Variants in ANTXR1 observed in about 807,000 individuals in gnomAD.
The protein encoded by ANTXR1 is ANTXR cell adhesion molecule 1.
ANTXR1 carries 19 observed loss-of-function variants against 78.1 expected under a neutral mutation model. That is an observed-to-expected ratio of 0.24 (90% CI 0.17 to 0.36). The LOEUF is 0.36. ANTXR1 is among the 10% of genes least tolerant of loss of function. ANTXR1 has a pLI of 1.00. For missense variants in ANTXR1, 518 were observed against 718.6 expected, an observed-to-expected ratio of 0.72 and a Z score of 3.19; for synonymous variants, 273 against 260.5, an observed-to-expected ratio of 1.05 and a Z score of -0.46.
At chr2:69,108,646 T>C (rs1671886542) in intron 10 of ANTXR1, among the ~76,000 whole-genome samples, 1 of 152,146 alleles carries the variant, frequency 6.6e-6, no homozygotes. Flanking sequence ...TAGGCCCCAG[T>C]GTGTGTTATT....
At chr2:69,187,578 T>G (rs1407126656) in intron 16 of ANTXR1, among the ~76,000 whole-genome samples, 2 of 143,250 alleles carry the variant, frequency 1.4e-5, no homozygotes, top group African/African-American at 5.4e-5. Flanking sequence ...CTATTTATCA[T>G]GTATTTCTTT....
chr2:69,042,543 C>T (rs55817016), intron 2 of ANTXR1, among the ~76,000 whole-genome samples: 8,623 of 152,234 alleles, frequency 0.057, 369 homozygotes, highest in Non-Finnish European at 0.08. Context: ...TCCTTCCCCA[C>T]AGTCTACAAA....
At chr2:69,212,142 A>C (rs1206373287) in intron 17 of ANTXR1, among the ~76,000 whole-genome samples, 2 of 152,230 alleles carry the variant, frequency 1.3e-5, no homozygotes, top group Non-Finnish European at 2.9e-5. Context: ...AGAATTAGTA[A>C]ATTCTTTATT....
intron 12 of ANTXR1, among the ~76,000 whole-genome samples, chr2:69,138,095 G>GAAAAAAAAAAAA (rs530717585): frequency 2.2e-5 from 2 of 88,974 alleles, no homozygotes; most frequent in Admixed American, 1.2e-4. Flanking sequence ...AAAAAAAAAA[G>GAAAAAAAAAAAA]AAAAAAAAAA....
intron 12 of ANTXR1, among the ~76,000 whole-genome samples, chr2:69,148,174 C>A (rs1232567956): frequency 1.3e-5 from 2 of 152,108 alleles, no homozygotes; most frequent in Non-Finnish European, 2.9e-5. Flanking sequence ...CCCCTGGGCT[C>A]AGGATAGAAG....
At chr2:69,185,976 T>G (rs1337139335) in intron 16 of ANTXR1, among the ~76,000 whole-genome samples, 5 of 152,186 alleles carry the variant, frequency 3.3e-5, no homozygotes, top group African/African-American at 1.2e-4. Flanking sequence ...TACATAGCCG[T>G]TGGTGTGATT....
chr2:69,107,889 C>A (rs1671861722), intron 10 of ANTXR1, among the ~76,000 whole-genome samples: 4 of 152,134 alleles, frequency 2.6e-5, no homozygotes. Context: ...TATCTGAATT[C>A]AAAACTCAAC....
intron 3 of ANTXR1, among the ~76,000 whole-genome samples, chr2:69,049,068 G>A (rs1249631011): frequency 6.6e-6 from 1 of 151,984 alleles, no homozygotes; most frequent in Non-Finnish European, 1.5e-5. Context: ...ATGCTTTGCT[G>A]TTGTATTCTC....
At chr2:69,069,411 TA>T (rs1287436101) in intron 3 of ANTXR1, among the ~76,000 whole-genome samples, 1 of 152,188 alleles carries the variant, frequency 6.6e-6, no homozygotes, top group Non-Finnish European at 1.5e-5. Flanking sequence ...AGAGCTGTCA[TA>T]AGGCTTAAGT....
At chr2:69,175,385 T>C (rs1293356597) in intron 14 of ANTXR1, among the ~76,000 whole-genome samples, 1 of 151,996 alleles carries the variant, frequency 6.6e-6, no homozygotes, top group Non-Finnish European at 1.5e-5. Flanking sequence ...TGAAGCAGGA[T>C]TGCTTGGGGC....
intron 9 of ANTXR1, among the ~76,000 whole-genome samples, chr2:69,102,541 T>TA (rs559989440): frequency 1.4e-3 from 210 of 152,344 alleles, no homozygotes; most frequent in African/African-American, 4.9e-3. Context: ...GAAAACTGGC[T>TA]AAGATTTGAA....
intron 17 of ANTXR1, among the ~76,000 whole-genome samples, chr2:69,216,965 C>A (rs1320553852): frequency 6.6e-6 from 1 of 152,230 alleles, no homozygotes; most frequent in African/African-American, 2.4e-5. Context: ...AAATATCCCA[C>A]ATCTTTCCAT....
chr2:69,165,885 G>T (rs773217958), intron 13 of ANTXR1, among the ~76,000 whole-genome samples: 4 of 152,176 alleles, frequency 2.6e-5, no homozygotes, highest in Admixed American at 6.5e-5. Context: ...AACTCATCAG[G>T]TGCTTTATCT....
At position 69,116,922 on chromosome 2, in the gene ANTXR1, A is replaced by G. The variant is rs144281667; in HGVS notation, c.803-6095A>G. Reference sequence around the variant, plus strand: ...TCAACCCTGGTTTTATCCCAGATCCATGAGCCACCAAACTGCAGGGAAGAA... The same window carrying G: ...TCAACCCTGGTTTTATCCCAGATCCGTGAGCCACCAAACTGCAGGGAAGAA... On this transcript the variant is annotated intron_variant, in intron 10 of 17. Coordinates refer to ENST00000303714, the MANE Select transcript of ANTXR1 (RefSeq NM_032208.3). Among the ~76,000 whole-genome samples, 223 of 152,358 alleles carry G rather than the reference A, an allele frequency of 1.5e-3. 2 individuals carry two copies. Among genetic ancestry groups the G allele is most frequent in the African/African-American group, 5.3e-3 (219 of 41,586 alleles).
chr2:69,204,668 C>T (rs1397892257), intron 17 of ANTXR1, among the ~76,000 whole-genome samples: 1 of 152,200 alleles, frequency 6.6e-6, no homozygotes, highest in Non-Finnish European at 1.5e-5. Flanking sequence ...AGTCCTCACC[C>T]CAGGCCATGA....
chr2:69,074,944 G>T (rs1018343900), intron 6 of ANTXR1, among the ~76,000 whole-genome samples: 5 of 152,078 alleles, frequency 3.3e-5, no homozygotes, highest in African/African-American at 9.7e-5. Context: ...GCCAAAATCT[G>T]GGTATTATTC....
chr2:69,137,812 C>A (rs1369432952), intron 12 of ANTXR1, among the ~76,000 whole-genome samples: 2 of 149,368 alleles, frequency 1.3e-5, no homozygotes, highest in African/African-American at 2.5e-5. Flanking sequence ...ACAGTGGGCG[C>A]GGTGGCTCCG....
chr2:69,158,445 T>G (rs1300613072), intron 13 of ANTXR1, among the ~76,000 whole-genome samples: 1 of 152,230 alleles, frequency 6.6e-6, no homozygotes, highest in Non-Finnish European at 1.5e-5. Flanking sequence ...TCACTTGGTT[T>G]CCATGGCGTT....
intron 12 of ANTXR1, among the ~76,000 whole-genome samples, chr2:69,135,753 CAA>C (rs1672890603): frequency 6.6e-6 from 1 of 151,890 alleles, no homozygotes; most frequent in South Asian, 2.1e-4. Flanking sequence ...GATAGAATTG[CAA>C]AGAGAAATTG....
Sources: allele counts gnomAD v4.1 joint callset (sites outside exome capture counted in the v4.1 genomes callset), GRCh38; gene constraint gnomAD v4.1.1; transcripts MANE v1.5; gene names NCBI Gene and HGNC (gene_info 2026-07-23, HGNC 2026-07-21).